The following TMEM135 variants were observed in gnomAD, a reference collection of about 807,000 sequenced individuals.
TMEM135 encodes the protein peroxisomal membrane protein 52.
TMEM135 carries 30 observed loss-of-function variants against 60.3 expected under a neutral mutation model. The ratio of observed to expected loss-of-function variants is 0.50; its 90% CI spans 0.37 to 0.68. The LOEUF (loss-of-function observed/expected upper bound fraction) is 0.68, where lower values mean the gene tolerates loss of function less well. Ranked by LOEUF, TMEM135 falls within the 30% of genes least tolerant of loss-of-function variation. TMEM135 has a pLI of 0.00. For synonymous variants in TMEM135, 190 were observed against 186.7 expected (o/e 1.02, Z -0.14); for missense variants, 468 against 548.8 (o/e 0.85, Z 1.47).
chr11:87,212,949 AGAAAT>A (rs1216461258), intron 5 of TMEM135, among the ~76,000 whole-genome samples: 1 of 152,168 alleles, frequency 6.6e-6, no homozygotes, highest in African/African-American at 2.4e-5. Flanking sequence ...AATTACTAAT[AGAAAT>A]GATTGGTTTT....
chr11:87,101,986 CAAAAG>C (rs1857468732), intron 4 of TMEM135, among the ~76,000 whole-genome samples: 1 of 152,034 alleles, frequency 6.6e-6, no homozygotes, highest in East Asian at 1.9e-4. Flanking sequence ...GGAAAAAAAA[CAAAAG>C]AAGAAGAAAA....
chr11:87,258,263 T>G (rs1941570964), intron 6 of TMEM135, among the ~76,000 whole-genome samples: 1 of 152,122 alleles, frequency 6.6e-6, no homozygotes, highest in Non-Finnish European at 1.5e-5. Flanking sequence ...TTCTCTTTTT[T>G]TAAACACACA....
chr11:87,127,642 T>C (rs1162208915), intron 4 of TMEM135, among the ~76,000 whole-genome samples: 1 of 152,210 alleles, frequency 6.6e-6, no homozygotes, highest in African/African-American at 2.4e-5. Flanking sequence ...GTAGACTAAG[T>C]TTCTGTAAGA....
At chr11:87,056,069 G>T (rs1327658465) in intron 1 of TMEM135, among the ~76,000 whole-genome samples, 1 of 152,146 alleles carries the variant, frequency 6.6e-6, no homozygotes, top group East Asian at 1.9e-4. Context: ...GGTGTGCTCT[G>T]CTACAAGGGT....
chr11:87,122,119 A>G (rs1296641402), intron 4 of TMEM135, among the ~76,000 whole-genome samples: 1 of 152,148 alleles, frequency 6.6e-6, no homozygotes, highest in Middle Eastern at 3.2e-3. Context: ...TTTCAATTCC[A>G]TTTTGTACTA....
At chr11:87,065,143 C>T (rs1368319642) in intron 1 of TMEM135, among the ~76,000 whole-genome samples, 1 of 152,160 alleles carries the variant, frequency 6.6e-6, no homozygotes, top group Non-Finnish European at 1.5e-5. Context: ...GACAAACCTG[C>T]TATAAACATT....
chr11:87,297,226 C>G (rs1591177613), intron 7 of TMEM135, among the ~76,000 whole-genome samples: 1 of 152,102 alleles, frequency 6.6e-6, no homozygotes. Context: ...TTCCCCTCCA[C>G]CCTGCAATCC....
intron 4 of TMEM135, among the ~76,000 whole-genome samples, chr11:87,100,374 G>C (rs1857430638): frequency 6.6e-6 from 1 of 152,156 alleles, no homozygotes; most frequent in East Asian, 1.9e-4. Flanking sequence ...ACATGAAGAG[G>C]GTGCTTGTTT....
chr11:87,101,079 A>G (rs1278984959), intron 4 of TMEM135, among the ~76,000 whole-genome samples: 1 of 152,202 alleles, frequency 6.6e-6, no homozygotes, highest in African/African-American at 2.4e-5. Context: ...AAAAAATAGT[A>G]GTTTTCTAGA....
In TMEM135 at chr11:87,054,432, CAAAAAAGA is replaced by C. The variant is rs756123164; in HGVS notation, c.142-13241_142-13234del. ...CTGGCAACAGAGTGAGACTCTGTCT[CAAAAAAGA>C]AAAAAAGAAAAAAAGAAAAATATTT... On this transcript the variant is annotated intron_variant, in intron 1 of 14. Transcript: ENST00000305494. 1.3e-3 allele frequency among the ~76,000 whole-genome samples: 197 copies of C among 149,602 alleles called. 2 individuals are homozygous for C. The highest frequency in any genetic ancestry group is 2.0e-3 in the Non-Finnish European group (132 of 67,496).
intron 5 of TMEM135, among the ~76,000 whole-genome samples, chr11:87,187,306 G>A (rs1315415680): frequency 6.6e-6 from 1 of 152,202 alleles, no homozygotes; most frequent in African/African-American, 2.4e-5. Flanking sequence ...GGGAAAGTAT[G>A]TGTACTAAGT....
chr11:87,225,498 T>TA (rs201054214), intron 5 of TMEM135, among the ~76,000 whole-genome samples: 78 of 145,930 alleles, frequency 5.3e-4, no homozygotes, highest in Middle Eastern at 3.5e-3. Flanking sequence ...ACACATCTTG[T>TA]AAAAAAAAAA....
At chr11:87,251,728 C>T (rs890255061) in intron 6 of TMEM135, among the ~76,000 whole-genome samples, 2 of 152,060 alleles carry the variant, frequency 1.3e-5, no homozygotes, top group African/African-American at 4.8e-5. Context: ...TGCTGTGACT[C>T]ACTGATGGCT....
At chr11:87,047,437 G>A (rs1434367533) in intron 1 of TMEM135, among the ~76,000 whole-genome samples, 1 of 151,466 alleles carries the variant, frequency 6.6e-6, no homozygotes, top group East Asian at 2.0e-4. Context: ...GCCAGACAGT[G>A]GGCGCAGGCC....
At chr11:87,166,464 C>G (rs1042812159) in intron 5 of TMEM135, among the ~76,000 whole-genome samples, 1 of 151,594 alleles carries the variant, frequency 6.6e-6, no homozygotes, top group African/African-American at 2.4e-5. Flanking sequence ...TTTAATCCAT[C>G]TCGAGTTAAT....
Position 87,328,380 on chromosome 11 carries a change from C to T in TMEM135, c.*7047C>T, listed in dbSNP as rs1329670183. On this transcript the variant is annotated 3_prime_UTR_variant, in exon 15 of 15. Coordinates refer to ENST00000305494, the MANE Select transcript of TMEM135 (RefSeq NM_022918.4). ...AATTTGCTTATTTTTATTTCAGTAG[C>T]TTTTGGGGTACAAGTGGTTTTTGGT... is the stretch of plus-strand genomic sequence containing the variant. The T allele has an allele frequency of 6.6e-6, 3 of 453,872 alleles. No individual in the cohort carries two copies. Among genetic ancestry groups the T allele is most frequent in the African/African-American group, 6.0e-5 (3 of 49,990 alleles). 28.1% of individuals were successfully genotyped at this position (453,872 alleles called of 1,614,324 possible).
intron 4 of TMEM135, among the ~76,000 whole-genome samples, chr11:87,097,000 C>CTTT (rs34461814): frequency 2.1e-5 from 3 of 143,652 alleles, no homozygotes; most frequent in East Asian, 4.0e-4. Context: ...GGAAGCCACT[C>CTTT]TTTTTTTTTT....
chr11:87,314,696 TTGTG>T, intron 12 of TMEM135, 149 bp downstream of exon 12: 1 of 675,526 alleles, frequency 1.5e-6, no homozygotes, highest in Admixed American at 2.3e-5. Context: ...GTGTTTTTCT[TTGTG>T]TGTGTGTTAT....
chr11:87,067,252 A>G (rs1018864066), intron 1 of TMEM135, among the ~76,000 whole-genome samples: 1 of 149,492 alleles, frequency 6.7e-6, no homozygotes, highest in African/African-American at 2.4e-5. Flanking sequence ...CTTGCCACAC[A>G]GAAGTCAAGT....
Sources: allele counts gnomAD v4.1 joint callset (sites outside exome capture counted in the v4.1 genomes callset), GRCh38; gene constraint gnomAD v4.1.1; transcripts MANE v1.5; gene names NCBI Gene and HGNC (gene_info 2026-07-23, HGNC 2026-07-21).